The following GYS2 variants were observed in gnomAD, a reference collection of about 807,000 sequenced individuals.
The protein encoded by GYS2 is glycogen synthase 2.
Under a neutral mutation model 85.6 loss-of-function variants are expected in GYS2, and 80 were observed. The ratio of observed to expected loss-of-function variants is 0.93; its 90% CI spans 0.78 to 1.13. The LOEUF (loss-of-function observed/expected upper bound fraction) is 1.13. Ranked by LOEUF, GYS2 falls within the 50% of genes most tolerant of loss-of-function variation. The pLI is 0.00. For synonymous variants in GYS2, 328 were observed against 300.7 expected (o/e 1.09, Z -0.94); for missense variants, 881 against 854.9 (o/e 1.03, Z -0.38).
rs866805403 is a variant in GYS2, at chr12:21,574,142, A to C, written c.678+2T>G. 6 of 1,602,984 alleles carry C rather than the reference A, an allele frequency of 3.7e-6. No individual in the cohort carries two copies. In the African/African-American group the frequency reaches 8.0e-5, roughly 21 times the overall value. On this transcript the variant is annotated splice_donor_variant, in intron 4 of 15. Coordinates refer to ENST00000261195, the MANE Select transcript of GYS2 (RefSeq NM_021957.4). LOFTEE classifies it high-confidence loss of function. ...AAGAGGGAGGGAGGAAGGAATATTT[A>C]CCTTATCAAGATGGTTGTAGAAATC...
At chr12:21,568,683 T>C (rs1944351122) in intron 5 of GYS2, among the ~76,000 whole-genome samples, 182 bp downstream of exon 5, 1 of 152,196 alleles carries the variant, frequency 6.6e-6, no homozygotes. Flanking sequence ...ATGTTCCAGA[T>C]ATAGCTTTGA....
At chr12:21,601,194 T>C (rs1274692879) in intron 1 of GYS2, among the ~76,000 whole-genome samples, 6 of 152,040 alleles carry the variant, frequency 3.9e-5, no homozygotes, top group African/African-American at 1.4e-4. Context: ...TAAACATTTT[T>C]CCCCCACATT....
chr12:21,539,570 A>G (rs1943948802), intron 14 of GYS2, among the ~76,000 whole-genome samples: 1 of 152,222 alleles, frequency 6.6e-6, no homozygotes, highest in Non-Finnish European at 1.5e-5. Flanking sequence ...GAATGCCCAT[A>G]CTGGTCATAT....
chr12:21,559,045 G>A, intron 10 of GYS2, 46 bp downstream of exon 10: 1 of 1,083,290 alleles, frequency 9.2e-7, no homozygotes, highest in Non-Finnish European at 1.4e-6. Context: ...TGATTAGATA[G>A]AATTTAATAA....
At chr12:21,535,197 C>T (rs1226691012), downstream of GYS2, 3 of 152,170 alleles carry the variant, frequency 2.0e-5, no homozygotes, top group Admixed American at 6.5e-5. Context: ...GAACAAAAAG[C>T]ACTTACATCT....
chr12:21,559,984 G>C (rs537621783), intron 8 of GYS2, among the ~76,000 whole-genome samples: 2 of 152,258 alleles, frequency 1.3e-5, no homozygotes, highest in African/African-American at 2.4e-5. Context: ...GAGCAGAGAG[G>C]GGGAGTAGAT....
rs1944345843 is a variant in GYS2 at position 21,568,233 on chromosome 12, G to A, written c.823+632C>T. Among the ~76,000 whole-genome samples, 3 of 152,132 alleles carry A rather than the reference G, an allele frequency of 2.0e-5. No individual in the cohort carries two copies. In the South Asian group the frequency reaches 6.2e-4, roughly 32 times the overall value. On this transcript the variant is annotated intron_variant, in intron 5 of 15. Coordinates refer to ENST00000261195, the MANE Select transcript of GYS2 (RefSeq NM_021957.4). ...ACACTACCAATAGCTTTGAGTTATT[G>A]GTAGTGTTTCATTGTATGACAGTGC...
intron 15 of GYS2, among the ~76,000 whole-genome samples, chr12:21,538,407 T>C (rs1943934613): frequency 6.6e-6 from 1 of 152,212 alleles, no homozygotes; most frequent in South Asian, 2.1e-4. Flanking sequence ...TATAAATACT[T>C]GATAAGGCGC....
At chr12:21,595,084 T>C (rs1243366603) in intron 1 of GYS2, among the ~76,000 whole-genome samples, 1 of 152,162 alleles carries the variant, frequency 6.6e-6, no homozygotes, top group Non-Finnish European at 1.5e-5. Context: ...ACTGCTGATA[T>C]GGTTTGGATG....
intron 11 of GYS2, among the ~76,000 whole-genome samples, chr12:21,555,290 C>A (rs944749364): frequency 6.6e-6 from 1 of 152,042 alleles, no homozygotes; most frequent in Non-Finnish European, 1.5e-5. Context: ...ACTAAAAAAT[C>A]TAAGGGATAG....
intron 3 of GYS2, 53 bp downstream of exon 3, chr12:21,575,813 A>C: frequency 7.5e-7 from 1 of 1,335,646 alleles, no homozygotes; most frequent in Non-Finnish European, 1.1e-6. Context: ...ATTCTTGGGC[A>C]CTGAAAGCAG....
At chr12:21,575,775 A>G in intron 3 of GYS2, 91 bp downstream of exon 3, 1 of 978,244 alleles carries the variant, frequency 1.0e-6, no homozygotes, top group Non-Finnish European at 1.7e-6. Flanking sequence ...TCATCTCAAA[A>G]TCTGCCTCAT....
At chr12:21,554,006 G>C (rs1477358811) in intron 11 of GYS2, among the ~76,000 whole-genome samples, 3 of 152,072 alleles carry the variant, frequency 2.0e-5, no homozygotes, top group Non-Finnish European at 2.9e-5. Flanking sequence ...CTTTTCCCCT[G>C]TGTGAGGCAC....
chr12:21,547,565 A>G (rs1944056688), intron 11 of GYS2, among the ~76,000 whole-genome samples: 1 of 152,216 alleles, frequency 6.6e-6, no homozygotes, highest in African/African-American at 2.4e-5. Context: ...CAATCTTGAA[A>G]AAGTTAAACT....
chr12:21,582,930 A>G lies in GYS2; in HGVS notation c.122-2407T>C, dbSNP rs564490236. Among the ~76,000 whole-genome samples the G allele has an allele frequency of 3.1e-4, 47 of 152,338 alleles. No homozygotes were observed. In the Middle Eastern group the frequency reaches 0.01, roughly 33 times the overall value. On this transcript the variant is annotated intron_variant, in intron 1 of 15. Coordinates refer to ENST00000261195, the MANE Select transcript of GYS2 (RefSeq NM_021957.4). ...GGCAAGGAATTTAGCTACTGTATACATAATACTTTTGACTATATGTGGAGA... is the reference window on the plus strand; with the variant it reads ...GGCAAGGAATTTAGCTACTGTATACGTAATACTTTTGACTATATGTGGAGA...
chr12:21,563,585 C>A (rs1944282026), intron 5 of GYS2, among the ~76,000 whole-genome samples: 1 of 152,064 alleles, frequency 6.6e-6, no homozygotes, highest in Non-Finnish European at 1.5e-5. Flanking sequence ...AACAATGAAG[C>A]ACTGGTACAA....
intron 11 of GYS2, among the ~76,000 whole-genome samples, chr12:21,549,193 T>A (rs1944077233): frequency 6.6e-6 from 1 of 152,186 alleles, no homozygotes; most frequent in South Asian, 2.1e-4. Flanking sequence ...ATTATCCTAT[T>A]TCTCCCACTT....
At chr12:21,586,209 CAT>C (rs748743896) in intron 1 of GYS2, among the ~76,000 whole-genome samples, 26 of 152,102 alleles carry the variant, frequency 1.7e-4, no homozygotes, top group Admixed American at 2.6e-4. Flanking sequence ...AGAAAAAAAA[CAT>C]GTGAAAATCC....
chr12:21,582,881 A>C (rs1052549387), intron 1 of GYS2, among the ~76,000 whole-genome samples: 1 of 152,092 alleles, frequency 6.6e-6, no homozygotes, highest in Non-Finnish European at 1.5e-5. Flanking sequence ...TGCATTTGAC[A>C]CTCTTGATTC....
Sources: allele counts gnomAD v4.1 joint callset (sites outside exome capture counted in the v4.1 genomes callset), GRCh38; gene constraint gnomAD v4.1.1; transcripts MANE v1.5; gene names NCBI Gene and HGNC (gene_info 2026-07-23, HGNC 2026-07-21).